Variants in SERPINI1 observed in about 807,000 individuals in gnomAD.
The protein encoded by SERPINI1 is serpin family I member 1, also known as neuroserpin.
Under a neutral mutation model 41.1 loss-of-function variants are expected in SERPINI1, and 19 were observed. The observed-to-expected ratio is 0.46, with a 90% CI of 0.32 to 0.68. The LOEUF (loss-of-function observed/expected upper bound fraction) is 0.68, where lower values mean the gene tolerates loss of function less well. Among genes scored for constraint, SERPINI1 ranks in the 30% least tolerant of loss-of-function variants. SERPINI1 has a pLI of 0.03. For missense variants in SERPINI1, 460 were observed against 479.2 expected (o/e 0.96, Z 0.37); for synonymous variants, 138 against 156.6 (o/e 0.88, Z 0.89).
intron 1 of SERPINI1, among the ~76,000 whole-genome samples, chr3:167,740,035 G>GC (rs1312590288): frequency 5.9e-5 from 8 of 135,724 alleles, no homozygotes; most frequent in Non-Finnish European, 1.1e-4. Context: ...TTTTTTTGCC[G>GC]CCTTTTTTTT....
rs141006718 is a variant in SERPINI1, at chr3:167,806,151, G to T, written c.882-1093G>T. On this transcript the variant is annotated intron_variant, in intron 5 of 8. Transcript: ENST00000446050. ...GAAATACTATGAAGCCATAAAAAAGGATGAGTTCATTTCCTTTGCAGGGAC... is the reference window on the plus strand; with the variant it reads ...GAAATACTATGAAGCCATAAAAAAGTATGAGTTCATTTCCTTTGCAGGGAC... Among the ~76,000 whole-genome samples, 1,485 of 152,212 alleles carry T rather than the reference G, an allele frequency of 9.8e-3. 13 individuals carry two copies. The highest frequency in any genetic ancestry group is 0.037 in the Middle Eastern group (11 of 294).
rs61735309 is a variant in SERPINI1, at chr3:167,792,626, A to G, written c.518A>G (p.Asp173Gly). The G allele has an allele frequency of 7.0e-4, 1,124 of 1,613,672 alleles. 7 individuals are homozygous for G. The African/African-American group carries it at 8.7e-3, about 12-fold the overall frequency. Residue 173 changes from aspartate (D) to glycine (G), a missense_variant, in exon 4 of 9, where the codon GAT becomes GGT. Coordinates refer to ENST00000446050, the MANE Select transcript of SERPINI1 (RefSeq NM_001122752.2). ...GATTTGGTATCCCCAAGGGATTTTG[A>G]TGCTGCCACTTATCTGGCCCTCATT... The part of the protein sequence containing the change: ...VKDLVSPRDF[D>G]AATYLALINA...
chr3:167,788,505 A>G (rs1727386990), intron 1 of SERPINI1, among the ~76,000 whole-genome samples: 1 of 152,140 alleles, frequency 6.6e-6, no homozygotes, highest in African/African-American at 2.4e-5. Flanking sequence ...CTGGGAGAGC[A>G]GCAACCTCCT....
chr3:167,804,881 G>C (rs576876455), intron 5 of SERPINI1, among the ~76,000 whole-genome samples: 1 of 152,026 alleles, frequency 6.6e-6, no homozygotes, highest in Non-Finnish European at 1.5e-5. Flanking sequence ...AGGCATGCTT[G>C]GTCCATGTCT....
At chr3:167,794,934 C>G (rs1371560494) in intron 5 of SERPINI1, 110 bp downstream of exon 5, 13 of 776,596 alleles carry the variant, frequency 1.7e-5, no homozygotes, top group Non-Finnish European at 2.8e-5. Flanking sequence ...TCTTGTGCCA[C>G]TCTCTTCTTA....
chr3:167,753,092 A>C (rs907602413), intron 1 of SERPINI1, among the ~76,000 whole-genome samples: 5 of 152,152 alleles, frequency 3.3e-5, no homozygotes, highest in African/African-American at 1.2e-4. Flanking sequence ...TCCAGGGCCC[A>C]GTACACAGTG....
At chr3:167,772,823 ACTCTCTCTCTCTCTCTCT>A (rs1172788769) in intron 1 of SERPINI1, among the ~76,000 whole-genome samples, 3 of 23,640 alleles carry the variant, frequency 1.3e-4, no homozygotes, top group Non-Finnish European at 1.6e-4. Flanking sequence ...GTATCTTGAG[ACTCTCTCTCTCTCTCTCT>A]CTCTCTCTCT....
chr3:167,819,611 A>G (rs1712240700), intron 6 of SERPINI1, among the ~76,000 whole-genome samples: 1 of 152,232 alleles, frequency 6.6e-6, no homozygotes, highest in Non-Finnish European at 1.5e-5. Flanking sequence ...CAGAGATGCC[A>G]TTGTTAGTTG....
chr3:167,789,298 T>C lies in SERPINI1; in HGVS notation c.170T>C (p.Met57Thr), dbSNP rs763036555. ...TCTCCATTGAGTATTGCTCTTGCAATGGGAATGATGGAACTTGGGGCCCAA... is the reference window on the plus strand; with the variant it reads ...TCTCCATTGAGTATTGCTCTTGCAACGGGAATGATGGAACTTGGGGCCCAA... ...LFSPLSIALAMGMMELGAQGS... is the reference protein window; with the variant it reads ...LFSPLSIALATGMMELGAQGS... Residue 57 changes from methionine to threonine, a missense_variant, in exon 2 of 9, where the codon ATG becomes ACG. Coordinates refer to ENST00000446050, the MANE Select transcript of SERPINI1 (RefSeq NM_001122752.2). The C allele has an allele frequency of 1.2e-6, 2 of 1,613,996 alleles. No individual in the cohort carries two copies. Among genetic ancestry groups the C allele is most frequent in the Non-Finnish European group, 1.7e-6 (2 of 1,179,984 alleles).
chr3:167,825,121 GAGGAAGGAAGGAAGGA>G, intron 8 of SERPINI1, 110 bp from the exon 9 acceptor site: 1 of 736,164 alleles, frequency 1.4e-6, no homozygotes, highest in East Asian at 2.6e-5. Flanking sequence ...GGAAGGACAG[GAGGAAGGAAGGAAGGA>G]AGGAAGGAAG....
At chr3:167,781,085 T>G (rs2108551575) in intron 1 of SERPINI1, among the ~76,000 whole-genome samples, 1 of 150,052 alleles carries the variant, frequency 6.7e-6, no homozygotes, top group South Asian at 2.1e-4. Flanking sequence ...TTTCACAAAG[T>G]GTGACCCCCT....
intron 2 of SERPINI1, among the ~76,000 whole-genome samples, chr3:167,789,872 G>T (rs1030386407): frequency 6.6e-6 from 1 of 152,012 alleles, no homozygotes; most frequent in Non-Finnish European, 1.5e-5. Context: ...TAGCCTAATG[G>T]TATTTTGTAA....
At chr3:167,760,901 G>T (rs1181525688) in intron 1 of SERPINI1, among the ~76,000 whole-genome samples, 1 of 152,084 alleles carries the variant, frequency 6.6e-6, no homozygotes, top group Non-Finnish European at 1.5e-5. Context: ...CTGCAGGGTG[G>T]GTAGTTTTGG....
Position 167,793,596 on chromosome 3 carries a change from A to ATATATATATATATTTT in SERPINI1, c.676+813_676+814insATATATATATATTTTT. On this transcript the variant is annotated intron_variant, in intron 4 of 8. Coordinates refer to ENST00000446050, the MANE Select transcript of SERPINI1 (RefSeq NM_001122752.2). Reference sequence around the variant, plus strand: ...TACAAATATATATATATATATATATATTTTTAATTAGCTAGGCATAATGGT... The same window carrying ATATATATATATATTTT: ...TACAAATATATATATATATATATATATATATATATATATTTTTTTTTAATTAGCTAGGCATAATGGT... Among the ~76,000 whole-genome samples the ATATATATATATATTTT allele has an allele frequency of 1.3e-3, 183 of 140,598 alleles. 2 individuals are homozygous for ATATATATATATATTTT. Among genetic ancestry groups the ATATATATATATATTTT allele is most frequent in the African/African-American group, 4.8e-3 (174 of 36,540 alleles). 92.2% of individuals were successfully genotyped at this position (140,598 alleles called of 152,430 possible).
intron 1 of SERPINI1, among the ~76,000 whole-genome samples, chr3:167,744,801 T>A (rs1427287103): frequency 4.1e-5 from 5 of 121,312 alleles, no homozygotes; most frequent in South Asian, 2.3e-4. Flanking sequence ...TATATATATA[T>A]AATATATAAA....
intron 1 of SERPINI1, among the ~76,000 whole-genome samples, chr3:167,738,307 GTTAAT>G (rs1725551534): frequency 6.6e-6 from 1 of 152,090 alleles, no homozygotes; most frequent in Non-Finnish European, 1.5e-5. Flanking sequence ...AAAAACCTTG[GTTAAT>G]TTCAAATTAC....
In SERPINI1 at chr3:167,742,705, G is replaced by A. The variant is rs538409289; in HGVS notation, c.-19+6882G>A. On this transcript the variant is annotated intron_variant, in intron 1 of 8. Coordinates refer to ENST00000446050, the MANE Select transcript of SERPINI1 (RefSeq NM_001122752.2). ...GTGGTAGATGGAGCAGGGGAACAAA[G>A]GTTTGAGAATGACTTTTGGATAACT... 1.1e-3 allele frequency among the ~76,000 whole-genome samples: 174 copies of A among 152,192 alleles called. 1 individual carries two copies. The highest frequency in any genetic ancestry group is 4.0e-3 in the African/African-American group (165 of 41,518).
Position 167,779,082 on chromosome 3 carries a change from C to T in SERPINI1, c.-18-10029C>T, listed in dbSNP as rs543805655. ...AATCATTTTGGGCTATCATTGATAC[C>T]GTACAAATTCAAGCAATGATTAAGT... On this transcript the variant is annotated intron_variant, in intron 1 of 8. Coordinates refer to ENST00000446050, the MANE Select transcript of SERPINI1 (RefSeq NM_001122752.2). Among the ~76,000 whole-genome samples the T allele has an allele frequency of 1.6e-4, 25 of 152,212 alleles. 1 individual carries two copies. The highest frequency in any genetic ancestry group is 9.6e-4 in the East Asian group (5 of 5,184).
At chr3:167,790,237 G>T (rs1181165881) in intron 2 of SERPINI1, 135 bp from the exon 3 acceptor site, 15 of 683,362 alleles carry the variant, frequency 2.2e-5, no homozygotes, top group Admixed American at 6.8e-5. Context: ...ATATCAATGT[G>T]GGGGAAAGCC....
Sources: allele counts gnomAD v4.1 joint callset (sites outside exome capture counted in the v4.1 genomes callset), GRCh38; gene constraint gnomAD v4.1.1; transcripts MANE v1.5; gene names NCBI Gene and HGNC (gene_info 2026-07-23, HGNC 2026-07-21).